AOAH: variants seen among roughly 807,000 people sequenced by gnomAD.
The protein encoded by AOAH is acyloxyacyl hydrolase (neutrophil).
AOAH carries 64 observed loss-of-function variants against 92.2 expected under a neutral mutation model. The observed-to-expected ratio is 0.69, with a 90% confidence interval of 0.57 to 0.86. The LOEUF (loss-of-function observed/expected upper bound fraction) is 0.86, where lower values mean the gene tolerates loss of function less well. Among genes scored for constraint, AOAH ranks in the 40% least tolerant of loss-of-function variants. AOAH has a pLI of 0.00. For synonymous variants in AOAH, 263 were observed against 254.5 expected, an observed-to-expected ratio of 1.03 and a Z score of -0.32; for missense variants, 656 against 694.6, an observed-to-expected ratio of 0.94 and a Z score of 0.62.
intron 5 of AOAH, among the ~76,000 whole-genome samples, chr7:36,636,885 A>G (rs1793561347): frequency 6.6e-6 from 1 of 152,152 alleles, no homozygotes; most frequent in Non-Finnish European, 1.5e-5. Context: ...TTTTATTTCT[A>G]TGTTGCCAAA....
intron 1 of AOAH, among the ~76,000 whole-genome samples, chr7:36,691,904 C>G (rs1270845093): frequency 6.6e-6 from 1 of 152,156 alleles, no homozygotes; most frequent in African/African-American, 2.4e-5. Context: ...AGCCAACCTG[C>G]TGGAAAGGCC....
intron 11 of AOAH, among the ~76,000 whole-genome samples, chr7:36,612,714 T>A (rs1791549509): frequency 6.6e-6 from 1 of 152,226 alleles, no homozygotes; most frequent in African/African-American, 2.4e-5. Flanking sequence ...ACATGCCTAT[T>A]TCACCATATT....
In AOAH at chr7:36,594,508, G is replaced by A; in HGVS notation, c.847-78C>T. ...GGTAGTAAGAAAATTCATGGCCTGA[G>A]TGTTGCTCTCTGTGTGTCTGTTTCC... On this transcript the variant is annotated intron_variant, in intron 11 of 20. Coordinates refer to ENST00000617537, the MANE Select transcript of AOAH (RefSeq NM_001637.4). 5.0e-6 allele frequency: 6 copies of A among 1,192,716 alleles called. 1 individual carries two copies. The highest frequency in any genetic ancestry group is 4.8e-5 in the East Asian group (2 of 41,506). 73.9% of individuals were successfully genotyped at this position (1,192,716 alleles called of 1,614,324 possible). A position where few individuals can be genotyped will look rare whatever the true frequency, so the allele number is the denominator to read the frequency against.
At chr7:36,581,887 C>T (rs1164799786) in intron 12 of AOAH, among the ~76,000 whole-genome samples, 1 of 152,170 alleles carries the variant, frequency 6.6e-6, no homozygotes, top group Non-Finnish European at 1.5e-5. Flanking sequence ...TGCTTTCTTT[C>T]ATCCCCATCC....
chr7:36,517,957 A>G (rs766289378), intron 20 of AOAH, among the ~76,000 whole-genome samples: 6 of 82,506 alleles, frequency 7.3e-5, no homozygotes, highest in East Asian at 5.7e-4. Context: ...ACACACACAC[A>G]CACACACACA....
At chr7:36,549,011 A>T (rs1041192640) in intron 14 of AOAH, among the ~76,000 whole-genome samples, 1 of 152,210 alleles carries the variant, frequency 6.6e-6, no homozygotes, top group African/African-American at 2.4e-5. Flanking sequence ...CAGGCGAGTT[A>T]TTGGGTTCCT....
intron 3 of AOAH, among the ~76,000 whole-genome samples, chr7:36,673,737 C>T (rs1351189549): frequency 6.6e-6 from 1 of 152,160 alleles, no homozygotes; most frequent in Admixed American, 6.5e-5. Flanking sequence ...GGTTACCACA[C>T]TGTAATTCAA....
rs753502701 is a variant in AOAH, at chr7:36,658,571, GAAT to G, written c.390+592_390+594del. On this transcript the variant is annotated intron_variant, in intron 4 of 20. Coordinates refer to ENST00000617537, the MANE Select transcript of AOAH (RefSeq NM_001637.4). ...CAGGGTCCTCTGAACAGCTATCACTGAATAATAATGTTATCAATAATGATCATT... is the reference window on the plus strand; with the variant it reads ...CAGGGTCCTCTGAACAGCTATCACTGAATAATGTTATCAATAATGATCATT... Among the ~76,000 whole-genome samples, 5 of 152,232 alleles carry G rather than the reference GAAT, an allele frequency of 3.3e-5. 1 individual carries two copies. The highest frequency in any genetic ancestry group is 9.6e-5 in the African/African-American group (4 of 41,524).
intron 16 of AOAH, among the ~76,000 whole-genome samples, chr7:36,538,097 G>A (rs369885472): frequency 5.4e-5 from 8 of 147,650 alleles, no homozygotes; most frequent in Non-Finnish European, 8.9e-5. Context: ...GTGCGATCTC[G>A]GCTCACTGCA....
chr7:36,696,613 G>C (rs1797725841), intron 1 of AOAH, among the ~76,000 whole-genome samples: 1 of 152,142 alleles, frequency 6.6e-6, no homozygotes, highest in Non-Finnish European at 1.5e-5. Context: ...TGCAATCCCA[G>C]CACTTTGGGA....
intron 1 of AOAH, among the ~76,000 whole-genome samples, chr7:36,703,730 G>T (rs1798189062): frequency 6.6e-6 from 1 of 151,992 alleles, no homozygotes; most frequent in Non-Finnish European, 1.5e-5. Context: ...GAAGTCATTG[G>T]TTCCAAGTCT....
Position 36,609,214 on chromosome 7 carries a change from C to T in AOAH, c.846+7166G>A, listed in dbSNP as rs185918069. Among the ~76,000 whole-genome samples, 351 of 152,246 alleles carry T rather than the reference C, an allele frequency of 2.3e-3. 2 individuals carry two copies. Among genetic ancestry groups the T allele is most frequent in the African/African-American group, 8.1e-3 (337 of 41,526 alleles). ...CTGAGTTTGTTCATCTTGTTTCTTC[C>T]CCACTGTACTTTTCTAGCTTAGCAC... On this transcript the variant is annotated intron_variant, in intron 11 of 20. Coordinates refer to ENST00000617537, the MANE Select transcript of AOAH (RefSeq NM_001637.4).
intron 19 of AOAH, among the ~76,000 whole-genome samples, chr7:36,530,191 TA>T (rs1196258576): frequency 6.6e-6 from 1 of 152,256 alleles, no homozygotes; most frequent in Non-Finnish European, 1.5e-5. Context: ...TCAGGGATTC[TA>T]AAATGATGGT....
chr7:36,711,389 C>T (rs779274299), intron 1 of AOAH, among the ~76,000 whole-genome samples: 3 of 152,042 alleles, frequency 2.0e-5, no homozygotes, highest in African/African-American at 4.8e-5. Context: ...TTCCTTTGTT[C>T]CTGAAGCACA....
chr7:36,600,534 G>A (rs982617502), intron 11 of AOAH, among the ~76,000 whole-genome samples: 7 of 152,114 alleles, frequency 4.6e-5, no homozygotes, highest in African/African-American at 7.2e-5. Flanking sequence ...AAAGGCCCCC[G>A]GGAGACGGCG....
intron 6 of AOAH, among the ~76,000 whole-genome samples, chr7:36,631,789 C>T (rs1050123800): frequency 2.0e-5 from 3 of 152,172 alleles, no homozygotes; most frequent in African/African-American, 7.2e-5. Context: ...TCACTGCGGG[C>T]TGCATTCTAG....
At chr7:36,676,775 G>T (rs1409011907) in intron 2 of AOAH, among the ~76,000 whole-genome samples, 2 of 152,154 alleles carry the variant, frequency 1.3e-5, no homozygotes, top group African/African-American at 4.8e-5. Flanking sequence ...CAATGAAATA[G>T]AATCAATAGT....
intron 16 of AOAH, among the ~76,000 whole-genome samples, chr7:36,536,539 G>A (rs906688090): frequency 3.5e-4 from 53 of 152,124 alleles, no homozygotes; most frequent in African/African-American, 1.2e-3. Flanking sequence ...CTTCACTGCT[G>A]GCTCAAGATC....
intron 16 of AOAH, among the ~76,000 whole-genome samples, chr7:36,538,682 G>A (rs1470111696): frequency 6.6e-6 from 1 of 152,136 alleles, no homozygotes; most frequent in Non-Finnish European, 1.5e-5. Context: ...ATATCCCGTG[G>A]TTCAAAGAGA....
Sources: allele counts gnomAD v4.1 joint callset (sites outside exome capture counted in the v4.1 genomes callset), GRCh38; gene constraint gnomAD v4.1.1; transcripts MANE v1.5; gene names NCBI Gene and HGNC (gene_info 2026-07-23, HGNC 2026-07-21).